Variants in DDX42 observed in about 807,000 individuals in gnomAD.
DDX42 encodes the protein DEAD-box helicase 42, also known as ATP-dependent RNA helicase DDX42.
A neutral mutation model predicts 101.5 loss-of-function variants in DDX42; 22 were observed. That is an observed-to-expected ratio of 0.22 (90% CI 0.15 to 0.31). The LOEUF (loss-of-function observed/expected upper bound fraction) is 0.31, where lower values mean the gene tolerates loss of function less well. Ranked by LOEUF, DDX42 falls within the 10% of genes least tolerant of loss-of-function variation. The pLI is 1.00. For synonymous variants in DDX42, 402 were observed against 401.2 expected (o/e 1.00, Z -0.02); for missense variants, 849 against 1,199.9 (o/e 0.71, Z 4.32).
rs142023915 is a variant in DDX42 at position 63,793,953 on chromosome 17, A to T, written c.372+1391A>T. Among the ~76,000 whole-genome samples the T allele has an allele frequency of 4.3e-3, 655 of 151,898 alleles. 2 individuals carry two copies. Among genetic ancestry groups the T allele is most frequent in the Non-Finnish European group, 6.5e-3 (444 of 67,956 alleles). On this transcript the variant is annotated intron_variant, in intron 3 of 17. Transcript: ENST00000389924. ...TTGCCCCAAATCATATTGGTACTTA[A>T]TGTGGCAGACCTGGAACTCAAATCT...
intron 9 of DDX42, 23 bp downstream of exon 9, chr17:63,807,923 C>T (rs2039861849): frequency 6.3e-7 from 1 of 1,597,504 alleles, no homozygotes; most frequent in Admixed American, 1.7e-5. Flanking sequence ...TATAGAATGC[C>T]TCCTTCCATA....
intron 17 of DDX42, 157 bp from the exon 18 acceptor site, chr17:63,817,537 A>G: frequency 7.3e-6 from 5 of 680,718 alleles, no homozygotes; most frequent in Non-Finnish European, 7.3e-6. Flanking sequence ...TTATAGCACA[A>G]GAACAAAAGG....
At position 63,811,991 on chromosome 17, in the gene DDX42, C is replaced by G; in HGVS notation, c.1458C>G (p.Asn486Lys). The change falls in exon 14 of 18, where the codon AAC (asparagine) becomes AAG (lysine). Residue 486 changes from asparagine to lysine, a missense_variant. Physicochemically the swap from Asn to Lys is moderately conservative, Grantham distance 94 (BLOSUM62 0). Transcript: ENST00000389924. ...TCCATTCTGGACCTAGTAAATGGAACTGGCTTACCCGGCGTCTGGTAGAAT... is the reference window on the plus strand; with the variant it reads ...TCCATTCTGGACCTAGTAAATGGAAGTGGCTTACCCGGCGTCTGGTAGAAT... ...EILHSGPSKW[N>K]WLTRRLVEFT... 6.2e-7 allele frequency: 1 copy of G among 1,614,200 alleles called. No individual in the cohort carries two copies. The highest frequency in any genetic ancestry group is 8.5e-7 in the Non-Finnish European group (1 of 1,180,036).
Position 63,813,257 on chromosome 17 carries a change from A to G in DDX42, c.1705A>G (p.Thr569Ala), listed in dbSNP as rs142912378. Residue 569 changes from threonine to alanine, a missense_variant, in exon 15 of 18, where the codon ACT (threonine) becomes GCT (alanine). This residue lies in a region of DDX42 where 370 missense variants were observed against 608.8 expected (regional missense o/e 0.61). Coordinates refer to ENST00000389924, the MANE Select transcript of DDX42 (RefSeq NM_203499.3). ...TGGTCTGGACATTCCTTCAATTAAG[A>G]CTGTCATTAACTATGATGTGGCACG... is the stretch of plus-strand genomic sequence containing the variant. Reference protein sequence around the residue: ...ARGLDIPSIKTVINYDVARDI... With the variant: ...ARGLDIPSIKAVINYDVARDI... The G allele has an allele frequency of 1.7e-5, 27 of 1,611,762 alleles. No individual in the cohort carries two copies. In the African/African-American group the frequency reaches 3.2e-4, roughly 19 times the overall value.
chr17:63,780,970 G>C (rs1196140890), intron 1 of DDX42, among the ~76,000 whole-genome samples: 2 of 152,024 alleles, frequency 1.3e-5, no homozygotes, highest in Non-Finnish European at 2.9e-5. Context: ...GACTTTACTG[G>C]TTTTTCCCCT....
Position 63,818,041 on chromosome 17 carries a change from T to G in DDX42, c.2460T>G (p.Ser820Arg), listed in dbSNP as rs1322506011. 1 of 1,613,706 alleles carries G rather than the reference T, an allele frequency of 6.2e-7. No homozygotes were observed. Reference sequence around the variant, plus strand: ...AGAACCGGGGCAGCAGCCGTCACAGTCACGGAGAGACTGGCAATCGGCATA... The same window carrying G: ...AGAACCGGGGCAGCAGCCGTCACAGGCACGGAGAGACTGGCAATCGGCATA... ...YTENRGSSRH[S>R]HGETGNRHSD... Residue 820 changes from serine to arginine, a missense_variant, in exon 18 of 18, where the codon AGT becomes AGG. Transcript: ENST00000389924.
chr17:63,798,241 C>CT, intron 4 of DDX42, 142 bp downstream of exon 4: 1 of 675,322 alleles, frequency 1.5e-6, no homozygotes, highest in African/African-American at 1.8e-5. Flanking sequence ...ATCTTGAATA[C>CT]TTTAAGAATA....
At chr17:63,808,094 CT>C (rs376413938) in intron 9 of DDX42, among the ~76,000 whole-genome samples, 194 bp downstream of exon 9, 4 of 152,226 alleles carry the variant, frequency 2.6e-5, no homozygotes, top group Non-Finnish European at 4.4e-5. Flanking sequence ...TACCAGGAAA[CT>C]TTTGGAAAGT....
chr17:63,799,679 T>A, intron 5 of DDX42, 54 bp downstream of exon 5: 1 of 1,568,124 alleles, frequency 6.4e-7, no homozygotes, highest in Non-Finnish European at 8.7e-7. Context: ...AAGTCTATAC[T>A]GGGGACAAGC....
At chr17:63,789,038 G>C (rs936548577) in intron 2 of DDX42, among the ~76,000 whole-genome samples, 2 of 151,928 alleles carry the variant, frequency 1.3e-5, no homozygotes, top group African/African-American at 4.8e-5. Context: ...GAGTAGCTAG[G>C]ACCATAGGCA....
At chr17:63,816,387 A>G (rs2727292) in intron 16 of DDX42, among the ~76,000 whole-genome samples, 48,315 of 151,976 alleles carry the variant, frequency 0.32, 8,375 homozygotes, top group South Asian at 0.57. Flanking sequence ...ATTCCAAGCA[A>G]TCAGATGTTT....
At chr17:63,803,239 A>C (rs1371455921) in intron 6 of DDX42, among the ~76,000 whole-genome samples, 1 of 152,216 alleles carries the variant, frequency 6.6e-6, no homozygotes, top group Non-Finnish European at 1.5e-5. Flanking sequence ...CAGATTACAC[A>C]ATGAAAATAA....
chr17:63,810,831 A>T (rs947339279), intron 12 of DDX42, among the ~76,000 whole-genome samples: 1 of 152,254 alleles, frequency 6.6e-6, no homozygotes, highest in Non-Finnish European at 1.5e-5. Context: ...AGTGTACAGT[A>T]CAGATCTGCT....
At chr17:63,813,896 A>G (rs1047032681) in intron 15 of DDX42, among the ~76,000 whole-genome samples, 4 of 151,882 alleles carry the variant, frequency 2.6e-5, no homozygotes, top group East Asian at 1.9e-4. Context: ...CTGCAGTGCA[A>G]TGGCACGATC....
At chr17:63,778,472 C>A (rs949362315) in intron 1 of DDX42, among the ~76,000 whole-genome samples, 2 of 152,158 alleles carry the variant, frequency 1.3e-5, no homozygotes, top group African/African-American at 4.8e-5. Context: ...CCTGGAATTA[C>A]ATGATTTAGT....
At chr17:63,797,324 C>G (rs2039705239) in intron 3 of DDX42, among the ~76,000 whole-genome samples, 1 of 137,780 alleles carries the variant, frequency 7.3e-6, no homozygotes, top group African/African-American at 2.7e-5. Flanking sequence ...TGCACTCCAG[C>G]CTGGGCAACG....
chr17:63,793,093 T>C (rs1181110885), intron 3 of DDX42, among the ~76,000 whole-genome samples: 1 of 152,188 alleles, frequency 6.6e-6, no homozygotes, highest in Non-Finnish European at 1.5e-5. Flanking sequence ...TGTTTTTGTT[T>C]TCTTGCTATT....
chr17:63,787,294 T>G lies in DDX42; in HGVS notation c.221+24T>G. ...GCGTAAGTGGTAATTCCTGGTAGTG[T>G]AGCAAAGTTTGGACTTTGATATATT... On this transcript the variant is annotated intron_variant, in intron 2 of 17. Transcript: ENST00000389924. The G allele has an allele frequency of 2.5e-6, 4 of 1,611,076 alleles. No individual in the cohort carries two copies. The Middle Eastern group carries it at 5.1e-4, about 205-fold the overall frequency.
At chr17:63,817,122 G>A (rs2039986266) in intron 17 of DDX42, 156 bp downstream of exon 17, 1 of 602,374 alleles carries the variant, frequency 1.7e-6, no homozygotes, top group African/African-American at 1.9e-5. Context: ...CCTAACAGTA[G>A]CTTAGTTGGA....
Sources: gnomAD v4.1 joint callset for allele counts (sites outside exome capture counted in the v4.1 genomes callset) on GRCh38, gnomAD v4.1.1 for gene constraint, gnomAD v4.1.1 regional missense constraint, MANE v1.5 for transcripts, NCBI Gene and HGNC (gene_info 2026-07-23, HGNC 2026-07-21) for gene names.